ANKRD26: variants seen among roughly 807,000 people sequenced by gnomAD.
The protein encoded by ANKRD26 is ankyrin repeat domain 26.
Under a neutral mutation model 208.7 loss-of-function variants are expected in ANKRD26, and 141 were observed. That is an observed-to-expected ratio of 0.68 (90% CI 0.59 to 0.78). The LOEUF is 0.78. Among genes scored for constraint, ANKRD26 ranks in the 30% least tolerant of loss-of-function variants. ANKRD26 has a pLI of 0.00. For synonymous variants in ANKRD26, 636 were observed against 660.4 expected (o/e 0.96, Z 0.57); for missense variants, 1,889 against 1,938.7 (o/e 0.97, Z 0.48).
In ANKRD26 at chr10:27,017,715, T is replaced by C. The variant is rs189678643; in HGVS notation, c.4293A>G (p.Gln1431=). The change falls in exon 30 of 34, where the codon CAA becomes CAG. Residue 1431 remains glutamine, a synonymous_variant. Coordinates refer to ENST00000376087, the MANE Select transcript of ANKRD26 (RefSeq NM_014915.3). Reference sequence around the variant, plus strand: ...CTGTTTTCATAGATAACAACTCCTCTTGAAGAATTTGGTTCTTTGTATCCA... The same window carrying C: ...CTGTTTTCATAGATAACAACTCCTCCTGAAGAATTTGGTTCTTTGTATCCA... The part of the protein sequence containing the change: ...LHLDTKNQIL[Q]EELLSMKTVQ... 2.5e-5 allele frequency: 40 copies of C among 1,613,120 alleles called. No homozygotes were observed. The African/African-American group carries it at 4.0e-4, about 16-fold the overall frequency.
chr10:27,059,837 G>C (rs1448554304), intron 15 of ANKRD26, among the ~76,000 whole-genome samples: 1 of 151,838 alleles, frequency 6.6e-6, no homozygotes, highest in Non-Finnish European at 1.5e-5. Context: ...GGAGGCTGCA[G>C]TGAGCCGAGA....
At chr10:27,070,825 C>T (rs1419353005) in intron 9 of ANKRD26, among the ~76,000 whole-genome samples, 1 of 152,068 alleles carries the variant, frequency 6.6e-6, no homozygotes, top group Non-Finnish European at 1.5e-5. Context: ...GCCACCACGC[C>T]CGGCTAATTT....
rs919413240 is a variant in ANKRD26 at position 27,086,773 on chromosome 10, T to G, written c.639-164A>C. 6.3e-4 allele frequency among the ~76,000 whole-genome samples: 87 copies of G among 138,548 alleles called. No individual in the cohort carries two copies. The East Asian group carries it at 0.015, about 24-fold the overall frequency. 90.9% of individuals were successfully genotyped at this position (138,548 alleles called of 152,430 possible). ...TAAGCTCTACAAACTTTTTTGTTTT[T>G]TTTTTTTTTTTTTTTTGAGACAGAG... On this transcript the variant is annotated intron_variant, in intron 4 of 33. Coordinates refer to ENST00000376087, the MANE Select transcript of ANKRD26 (RefSeq NM_014915.3).
downstream of ANKRD26, among the ~76,000 whole-genome samples, chr10:26,989,557 G>A (rs1448860918): frequency 1.3e-5 from 2 of 152,178 alleles, no homozygotes; most frequent in African/African-American, 2.4e-5. Context: ...AGAGCCCTGG[G>A]AACAGTAAAT....
At chr10:26,979,482 C>T (rs536023247) in intron 5 of ANKRD26, among the ~76,000 whole-genome samples, 1 of 152,226 alleles carries the variant, frequency 6.6e-6, no homozygotes, top group South Asian at 2.1e-4. Context: ...CTAAACCTGA[C>T]AAAACGGTAA....
chr10:27,027,434 A>G (rs899530716), intron 27 of ANKRD26, among the ~76,000 whole-genome samples: 4 of 152,246 alleles, frequency 2.6e-5, no homozygotes, highest in African/African-American at 9.6e-5. Flanking sequence ...TACAAATATT[A>G]GCAGAGACTC....
chr10:27,033,120 T>C, intron 25 of ANKRD26, 105 bp downstream of exon 25: 3 of 737,752 alleles, frequency 4.1e-6, no homozygotes, highest in Non-Finnish European at 5.8e-6. Context: ...AAATTAATTA[T>C]AATGAAAACA....
intron 15 of ANKRD26, among the ~76,000 whole-genome samples, chr10:27,059,446 A>T (rs1429909149): frequency 1.3e-5 from 2 of 152,202 alleles, no homozygotes; most frequent in Non-Finnish European, 2.9e-5. Flanking sequence ...TTATTTATAG[A>T]CGTATACATA....
chr10:27,100,040 C>A, intron 1 of ANKRD26, 45 bp downstream of exon 1: 3 of 1,611,392 alleles, frequency 1.9e-6, no homozygotes, highest in Non-Finnish European at 2.5e-6. Context: ...TCTTCCTGCC[C>A]GCCTACTCCA....
intron 7 of ANKRD26, among the ~76,000 whole-genome samples, chr10:27,078,376 G>T (rs1203895872): frequency 1.3e-5 from 2 of 152,052 alleles, no homozygotes; most frequent in African/African-American, 2.4e-5. Context: ...TAACAGAACT[G>T]AAGAAATGTA....
intron 10 of ANKRD26, 126 bp from the exon 11 acceptor site, chr10:27,066,674 C>CA: frequency 1.6e-6 from 1 of 621,456 alleles, no homozygotes; most frequent in Non-Finnish European, 2.5e-6. Flanking sequence ...AAAATAATAG[C>CA]AAAAAAAGAA....
At chr10:27,081,451 A>G (rs2055901444) in intron 6 of ANKRD26, among the ~76,000 whole-genome samples, 1 of 152,172 alleles carries the variant, frequency 6.6e-6, no homozygotes, top group Non-Finnish European at 1.5e-5. Flanking sequence ...ATAAAGAAGG[A>G]AGAGTACTGG....
chr10:26,956,757 C>T, the ANKRD26 span, among the ~76,000 whole-genome samples: 1 of 152,198 alleles, frequency 6.6e-6, no homozygotes, highest in Non-Finnish European at 1.5e-5. Flanking sequence ...ATTCCACTGG[C>T]TCACCGATAT....
chr10:27,086,463 T>C (rs912168585), intron 5 of ANKRD26, 76 bp downstream of exon 5: 21 of 1,564,462 alleles, frequency 1.3e-5, no homozygotes, highest in Non-Finnish European at 1.7e-5. Context: ...TGCTTTTCTG[T>C]GATCAACACT....
intron 4 of ANKRD26, among the ~76,000 whole-genome samples, chr10:26,998,016 C>T (rs772712637): frequency 6.6e-6 from 1 of 152,172 alleles, no homozygotes; most frequent in African/African-American, 2.4e-5. Flanking sequence ...ATTACCCCAA[C>T]AAATTGCTTT....
At chr10:26,955,354 G>T in the ANKRD26 span, among the ~76,000 whole-genome samples, 2 of 151,808 alleles carry the variant, frequency 1.3e-5, no homozygotes, top group Admixed American at 6.6e-5. Flanking sequence ...CTTGAACCTA[G>T]GAGGCGGAGG....
At chr10:27,007,985 G>A (rs940290877) in intron 32 of ANKRD26, among the ~76,000 whole-genome samples, 1 of 151,808 alleles carries the variant, frequency 6.6e-6, no homozygotes, top group South Asian at 2.1e-4. Flanking sequence ...CTCTTTAATT[G>A]TAATTTTGAT....
chr10:27,050,244 AAAAG>A (rs1478461266), intron 16 of ANKRD26, among the ~76,000 whole-genome samples: 174 of 134,246 alleles, frequency 1.3e-3, no homozygotes, highest in Non-Finnish European at 2.0e-3. Flanking sequence ...AAAAAAAAAA[AAAAG>A]AAAGAAAGAA....
chr10:27,008,852 T>C (rs897283689), intron 32 of ANKRD26, among the ~76,000 whole-genome samples: 5 of 152,164 alleles, frequency 3.3e-5, no homozygotes, highest in Non-Finnish European at 7.4e-5. Context: ...TTATTTTTTT[T>C]CTTTTGAGGT....
Sources: gnomAD v4.1 joint callset for allele counts (sites outside exome capture counted in the v4.1 genomes callset) on GRCh38, gnomAD v4.1.1 for gene constraint, MANE v1.5 for transcripts, NCBI Gene and HGNC (gene_info 2026-07-23, HGNC 2026-07-21) for gene names.